Variants in B3GALT1 observed in about 807,000 individuals in gnomAD.
B3GALT1 encodes beta-1,3-galactosyltransferase 1.
A neutral mutation model predicts 23.2 loss-of-function variants in B3GALT1; 10 were observed. The ratio of observed to expected loss-of-function variants is 0.43; its 90% CI spans 0.27 to 0.73. B3GALT1 has a LOEUF of 0.73. Among genes scored for constraint, B3GALT1 ranks in the 30% least tolerant of loss-of-function variants. The pLI, the probability that B3GALT1 is intolerant of heterozygous loss-of-function variation, is 0.21. For synonymous variants in B3GALT1, 156 were observed against 141.5 expected (o/e 1.10, Z -0.73); for missense variants, 299 against 405.4 (o/e 0.74, Z 2.25).
intron 3 of B3GALT1, among the ~76,000 whole-genome samples, chr2:167,802,942 T>C (rs984593139): frequency 6.6e-6 from 1 of 152,138 alleles, no homozygotes; most frequent in African/African-American, 2.4e-5. Context: ...AAGGTATATA[T>C]TCACATTGGA....
chr2:167,519,541 A>T (rs1700156494), intron 2 of B3GALT1, among the ~76,000 whole-genome samples: 1 of 152,136 alleles, frequency 6.6e-6, no homozygotes, highest in African/African-American at 2.4e-5. Flanking sequence ...GGTGTATTAA[A>T]AGTAAGGTTA....
intron 1 of B3GALT1, among the ~76,000 whole-genome samples, chr2:167,403,237 T>C (rs925938307): frequency 1.6e-5 from 2 of 123,338 alleles, no homozygotes; most frequent in African/African-American, 5.9e-5. Flanking sequence ...ATGTTCTTAT[T>C]GTTCAATTCC....
chr2:167,304,344 C>T (rs771293447), intron 1 of B3GALT1, among the ~76,000 whole-genome samples: 32 of 152,128 alleles, frequency 2.1e-4, no homozygotes, highest in Non-Finnish European at 3.5e-4. Context: ...TGTACAGAGT[C>T]CCTTAGCTCT....
At chr2:167,618,462 A>G (rs1244939628) in intron 2 of B3GALT1, among the ~76,000 whole-genome samples, 2 of 151,980 alleles carry the variant, frequency 1.3e-5, no homozygotes. Flanking sequence ...ATTCCAGGAT[A>G]CCTCTATATG....
intron 1 of B3GALT1, among the ~76,000 whole-genome samples, chr2:167,438,443 C>T (rs548463891): frequency 5.0e-4 from 76 of 152,304 alleles, no homozygotes; most frequent in Admixed American, 8.5e-4. Flanking sequence ...TTTTAAAGAA[C>T]GCATGTTCCC....
At chr2:167,351,965 T>A (rs1574044510) in intron 1 of B3GALT1, among the ~76,000 whole-genome samples, 1 of 23,816 alleles carries the variant, frequency 4.2e-5, no homozygotes, top group Non-Finnish European at 5.1e-4. Context: ...ATTTTTTTTT[T>A]TTTTTTTTTT....
chr2:167,349,599 A>C (rs1032347051), intron 1 of B3GALT1, among the ~76,000 whole-genome samples: 2 of 152,284 alleles, frequency 1.3e-5, no homozygotes, highest in African/African-American at 4.8e-5. Context: ...AACTTATGCT[A>C]ATTTTACTGT....
chr2:167,826,462 C>T (rs1689231269), intron 4 of B3GALT1, among the ~76,000 whole-genome samples: 1 of 152,200 alleles, frequency 6.6e-6, no homozygotes, highest in Admixed American at 6.5e-5. Flanking sequence ...TGCACATTAG[C>T]ATAGCAGCCT....
chr2:167,701,591 G>A (rs568440525), intron 3 of B3GALT1, among the ~76,000 whole-genome samples: 6 of 152,130 alleles, frequency 3.9e-5, no homozygotes, highest in Admixed American at 6.5e-5. Flanking sequence ...CCCAAGGATT[G>A]TTAAATTGAC....
intron 3 of B3GALT1, among the ~76,000 whole-genome samples, chr2:167,712,839 C>T (rs972479363): frequency 1.3e-5 from 2 of 151,984 alleles, no homozygotes; most frequent in Admixed American, 1.3e-4. Flanking sequence ...TGGAAGTGAC[C>T]CCATCTCTAA....
At chr2:167,841,002 A>ACAT (rs201302212) in intron 4 of B3GALT1, among the ~76,000 whole-genome samples, 1,478 of 126,356 alleles carry the variant, frequency 0.012, 14 homozygotes, top group Non-Finnish European at 0.018. Flanking sequence ...AGGAATGGGA[A>ACAT]CATCATACCC....
chr2:167,831,631 T>C (rs950390220), intron 4 of B3GALT1, among the ~76,000 whole-genome samples: 1 of 151,946 alleles, frequency 6.6e-6, no homozygotes, highest in Non-Finnish European at 1.5e-5. Flanking sequence ...GAAAAAGAGA[T>C]GGGAGGGACG....
At position 167,679,124 on chromosome 2, in the gene B3GALT1, T is replaced by TTG. The variant is rs112286150; in HGVS notation, c.-352+32159_-352+32160insGT. Among the ~76,000 whole-genome samples, 685 of 151,092 alleles carry TTG rather than the reference T, an allele frequency of 4.5e-3. 4 individuals are homozygous for TTG. Among genetic ancestry groups the TTG allele is most frequent in the African/African-American group, 0.016 (654 of 41,290 alleles). On this transcript the variant is annotated intron_variant, in intron 3 of 4. Coordinates refer to ENST00000392690, the MANE Select transcript of B3GALT1 (RefSeq NM_020981.4). ...TTTGTTTTTGTTTTTTTGTTTTTGT[T>TTG]TTTTTTTTTGAGACAGAGTTTCACT...
In B3GALT1 at chr2:167,804,864, A is replaced by T. The variant is rs1180841653; in HGVS notation, c.-351-13808A>T. 2.0e-5 allele frequency among the ~76,000 whole-genome samples: 3 copies of T among 152,158 alleles called. No individual in the cohort carries two copies. The East Asian group carries it at 5.8e-4, about 29-fold the overall frequency. ...CCCAGTAATGGGATTGCTGGGTCAA[A>T]CGGTATTTCTAGTTCAAGATCCCTG... On this transcript the variant is annotated intron_variant, in intron 3 of 4. Coordinates refer to ENST00000392690, the MANE Select transcript of B3GALT1 (RefSeq NM_020981.4).
intron 2 of B3GALT1, among the ~76,000 whole-genome samples, chr2:167,566,193 C>T (rs191373335): frequency 0.011 from 1,749 of 152,242 alleles, 14 homozygotes; most frequent in Non-Finnish European, 0.017. Flanking sequence ...GAGTTCATGT[C>T]CTTTGTAGGA....
chr2:167,616,712 A>ATAAT (rs1558925737), intron 2 of B3GALT1, among the ~76,000 whole-genome samples: 2 of 152,162 alleles, frequency 1.3e-5, no homozygotes, highest in South Asian at 2.1e-4. Flanking sequence ...AAATAAATAA[A>ATAAT]TAAATAACAA....
At chr2:167,703,685 G>A (rs1686918238) in intron 3 of B3GALT1, among the ~76,000 whole-genome samples, 1 of 152,158 alleles carries the variant, frequency 6.6e-6, no homozygotes, top group Admixed American at 6.5e-5. Context: ...CCCTTTATTG[G>A]AAGCTGTACT....
At chr2:167,501,051 G>A (rs545431782) in intron 2 of B3GALT1, among the ~76,000 whole-genome samples, 1 of 151,934 alleles carries the variant, frequency 6.6e-6, no homozygotes. Flanking sequence ...GACATTTAAC[G>A]AATCAATGAG....
At chr2:167,615,805 A>G (rs1245302216) in intron 2 of B3GALT1, among the ~76,000 whole-genome samples, 2 of 152,074 alleles carry the variant, frequency 1.3e-5, no homozygotes, top group Non-Finnish European at 2.9e-5. Context: ...AACTCACTTA[A>G]TCTTCCTGTG....
Sources: gnomAD v4.1 joint callset for allele counts (sites outside exome capture counted in the v4.1 genomes callset) on GRCh38, gnomAD v4.1.1 for gene constraint, MANE v1.5 for transcripts, NCBI Gene and HGNC (gene_info 2026-07-23, HGNC 2026-07-21) for gene names.